TTC39B: variants seen among roughly 807,000 people sequenced by gnomAD.
TTC39B encodes the protein tetratricopeptide repeat domain 39B, also known as tetratricopeptide repeat protein 39B.
TTC39B carries 92 observed loss-of-function variants against 96.6 expected under a neutral mutation model. The observed-to-expected ratio is 0.95, with a 90% CI of 0.80 to 1.13. TTC39B has a LOEUF of 1.13. Ranked by LOEUF, TTC39B falls within the 50% of genes most tolerant of loss-of-function variation. The pLI, the probability that TTC39B is intolerant of heterozygous loss-of-function variation, is 0.00. For synonymous variants in TTC39B, 367 were observed against 299.4 expected (o/e 1.23, Z -2.33); for missense variants, 955 against 809.3 (o/e 1.18, Z -2.18).
At chr9:15,182,263 G>C (rs1306030748) in intron 17 of TTC39B, 44 bp downstream of exon 17, 6 of 1,261,328 alleles carry the variant, frequency 4.8e-6, no homozygotes, top group Non-Finnish European at 5.7e-6. Flanking sequence ...GAGCAGTCAT[G>C]GAGCAGAGAC....
Position 15,306,641 on chromosome 9 carries a change from T to G in TTC39B, c.240+443A>C, listed in dbSNP as rs1055094786. Reference sequence around the variant, plus strand: ...CCTTTCGGTTCTGCCACCAGGAAACTTCCATAGAAGGTGAGATTCCCAGGT... The same window carrying G: ...CCTTTCGGTTCTGCCACCAGGAAACGTCCATAGAAGGTGAGATTCCCAGGT... On this transcript the variant is annotated intron_variant, in intron 1 of 19. Coordinates refer to ENST00000512701, the Ensembl canonical transcript of TTC39B. This position sits in a 1 kb window ranked among gnomAD's most constrained non-coding sequence, Gnocchi z 5.1. Among the ~76,000 whole-genome samples, 2 of 152,192 alleles carry G rather than the reference T, an allele frequency of 1.3e-5. No individual in the cohort carries two copies. Among genetic ancestry groups the G allele is most frequent in the Non-Finnish European group, 2.9e-5 (2 of 68,032 alleles).
intron 1 of TTC39B, among the ~76,000 whole-genome samples, chr9:15,300,393 C>A (rs937203219): frequency 2.6e-5 from 4 of 152,310 alleles, no homozygotes; most frequent in Admixed American, 2.6e-4. Context: ...TCCTCTTTCA[C>A]GTTCTGAGAA....
chr9:15,270,289 C>T (rs16932884), intron 1 of TTC39B, among the ~76,000 whole-genome samples: 3,949 of 152,192 alleles, frequency 0.026, 179 homozygotes, highest in African/African-American at 0.09. Context: ...GGCCAGCACA[C>T]AGGTTATCAT....
At chr9:15,232,805 G>T (rs866720559) in intron 2 of TTC39B, among the ~76,000 whole-genome samples, 2 of 152,192 alleles carry the variant, frequency 1.3e-5, no homozygotes, top group African/African-American at 2.4e-5. Context: ...CTTGGCTAAC[G>T]GCGACGTAGC....
chr9:15,221,272 G>T (rs1820827464), intron 3 of TTC39B, among the ~76,000 whole-genome samples: 1 of 152,148 alleles, frequency 6.6e-6, no homozygotes, highest in Non-Finnish European at 1.5e-5. Context: ...GTCAGAATGA[G>T]TAGGGAAGAG....
At chr9:15,204,614 T>C (rs1819740780) in intron 6 of TTC39B, among the ~76,000 whole-genome samples, 1 of 151,428 alleles carries the variant, frequency 6.6e-6, no homozygotes, top group Admixed American at 6.6e-5. Context: ...GCTTCTAAAA[T>C]ATGAAGGTAT....
At chr9:15,292,914 A>T (rs1485045923) in intron 1 of TTC39B, among the ~76,000 whole-genome samples, 3 of 152,234 alleles carry the variant, frequency 2.0e-5, no homozygotes, top group Non-Finnish European at 4.4e-5. Flanking sequence ...TTATTATTAA[A>T]GAAAAAACAT....
intron 8 of TTC39B, among the ~76,000 whole-genome samples, chr9:15,193,183 G>A (rs1209281595): frequency 6.6e-6 from 1 of 152,196 alleles, no homozygotes; most frequent in Non-Finnish European, 1.5e-5. Flanking sequence ...AAACAAGAAA[G>A]CAAAGGCCAT....
chr9:15,211,681 CTG>C (rs1336629071), intron 4 of TTC39B, among the ~76,000 whole-genome samples: 3 of 152,296 alleles, frequency 2.0e-5, no homozygotes, highest in Admixed American at 1.3e-4. Context: ...TGCAAGCAAA[CTG>C]TTTTCTGTTG....
At chr9:15,220,325 G>A (rs996879291) in intron 3 of TTC39B, among the ~76,000 whole-genome samples, 1 of 152,158 alleles carries the variant, frequency 6.6e-6, no homozygotes, top group Non-Finnish European at 1.5e-5. Flanking sequence ...CCAGACTACA[G>A]AAACTCCTGC....
intron 2 of TTC39B, among the ~76,000 whole-genome samples, chr9:15,226,432 T>C (rs1007808943): frequency 6.6e-6 from 1 of 152,200 alleles, no homozygotes; most frequent in African/African-American, 2.4e-5. Flanking sequence ...TTCTTCTCAA[T>C]AAATCCAGAG....
At chr9:15,182,231 T>A (rs1255638730) in intron 17 of TTC39B, 76 bp downstream of exon 17, 6 of 883,742 alleles carry the variant, frequency 6.8e-6, no homozygotes, top group Non-Finnish European at 1.0e-5. Context: ...TGTTGGCAGA[T>A]GTGCACAGGG....
At chr9:15,182,845 C>T (rs1009813019) in intron 16 of TTC39B, among the ~76,000 whole-genome samples, 1 of 152,150 alleles carries the variant, frequency 6.6e-6, no homozygotes, top group Non-Finnish European at 1.5e-5. Context: ...GAATATTTCA[C>T]TGGGCTTAGG....
chr9:15,287,650 A>G (rs757523699), intron 1 of TTC39B, among the ~76,000 whole-genome samples: 16 of 152,174 alleles, frequency 1.1e-4, no homozygotes, highest in Non-Finnish European at 1.8e-4. Flanking sequence ...CCTCTGCCAT[A>G]AACTGTAAAG....
chr9:15,218,097 A>G (rs117654071), intron 3 of TTC39B, among the ~76,000 whole-genome samples: 8,828 of 147,896 alleles, frequency 0.06, 297 homozygotes, highest in Admixed American at 0.071. Flanking sequence ...AATCCCAACC[A>G]CTGCGGAGGT....
intron 6 of TTC39B, among the ~76,000 whole-genome samples, chr9:15,205,257 G>T (rs755076594): frequency 5.3e-5 from 8 of 152,210 alleles, no homozygotes; most frequent in Admixed American, 2.0e-4. Context: ...CTGCTTTTTG[G>T]TAAAAGCTCA....
intron 17 of TTC39B, among the ~76,000 whole-genome samples, chr9:15,178,386 A>G (rs553872183): frequency 2.4e-4 from 36 of 152,130 alleles, no homozygotes; most frequent in Non-Finnish European, 2.2e-4. Context: ...CAGCCTGGGC[A>G]ATACAATGAG....
chr9:15,210,953 A>T (rs906101702), intron 5 of TTC39B, among the ~76,000 whole-genome samples: 2 of 152,190 alleles, frequency 1.3e-5, no homozygotes, highest in Non-Finnish European at 2.9e-5. Context: ...TAAAACAAGA[A>T]TGTTCCTTGT....
chr9:15,221,620 C>T (rs867787355), intron 3 of TTC39B, among the ~76,000 whole-genome samples: 30 of 152,136 alleles, frequency 2.0e-4, no homozygotes, highest in African/African-American at 5.1e-4. Flanking sequence ...GGGGTCTCTG[C>T]GTCTAGGCCC....
Sources: allele counts gnomAD v4.1 joint callset (sites outside exome capture counted in the v4.1 genomes callset), GRCh38; gene constraint gnomAD v4.1.1; non-coding constraint Gnocchi (gnomAD v3.1); transcripts MANE v1.5; gene names NCBI Gene and HGNC (gene_info 2026-07-23, HGNC 2026-07-21).